The following PARP16 variants were observed in gnomAD, a reference collection of about 807,000 sequenced individuals.
The protein encoded by PARP16 is poly(ADP-ribose) polymerase family member 16.
Under a neutral mutation model 35.0 loss-of-function variants are expected in PARP16, and 31 were observed. The ratio of observed to expected loss-of-function variants is 0.88; its 90% CI spans 0.66 to 1.19. The LOEUF is 1.19. Ranked by LOEUF, PARP16 falls within the 50% of genes most tolerant of loss-of-function variation. PARP16 has a pLI of 0.00. For synonymous variants in PARP16, 162 were observed against 169.5 expected (o/e 0.96, Z 0.34); for missense variants, 424 against 411.2 (o/e 1.03, Z -0.27).
chr15:65,286,161 T>C, intron 1 of PARP16, 92 bp downstream of exon 1: 4 of 1,066,350 alleles, frequency 3.8e-6, no homozygotes, highest in Admixed American at 7.4e-5. Context: ...GCTGTCATGT[T>C]TACTAATGCG....
chr15:65,270,851 G>C (rs972064477), intron 2 of PARP16, 84 bp downstream of exon 2: 31 of 1,336,664 alleles, frequency 2.3e-5, no homozygotes, highest in East Asian at 9.2e-5. Context: ...TGGTACACAG[G>C]GAAGTCTCAG....
At chr15:65,235,988 G>A (rs756720368) in intron 3 of PARP16, among the ~76,000 whole-genome samples, 1 of 150,722 alleles carries the variant, frequency 6.6e-6, no homozygotes, top group Non-Finnish European at 1.5e-5. Flanking sequence ...CTCCCAAGTA[G>A]CTGGGATTAC....
chr15:65,240,497 A>G (rs1567008709), intron 3 of PARP16, among the ~76,000 whole-genome samples: 1 of 152,158 alleles, frequency 6.6e-6, no homozygotes, highest in Non-Finnish European at 1.5e-5. Context: ...TGCTGAAAGT[A>G]CAGGCGCAAG....
At chr15:65,250,248 G>T (rs1169568530) in intron 2 of PARP16, among the ~76,000 whole-genome samples, 1 of 151,210 alleles carries the variant, frequency 6.6e-6, no homozygotes, top group Non-Finnish European at 1.5e-5. Context: ...CTGCCCAGTA[G>T]CTGGGATTAC....
Position 65,286,587 on chromosome 15 carries a change from A to G in PARP16, c.-161T>C. On this transcript the variant is annotated 5_prime_UTR_variant, in exon 1 of 6. Transcript: ENST00000649807. ...GGGGGCTGAGATGACAGGGGTGAGA[A>G]CGTGCCGACAAGTGTCCTCTGCCGG... 2.0e-6 allele frequency: 1 copy of G among 510,510 alleles called. No homozygotes were observed. The highest frequency in any genetic ancestry group is 2.9e-5 in the South Asian group (1 of 34,558). 31.6% of individuals were successfully genotyped at this position (510,510 alleles called of 1,614,324 possible).
chr15:65,262,025 G>C (rs2089738720), intron 4 of PARP16, among the ~76,000 whole-genome samples: 1 of 152,136 alleles, frequency 6.6e-6, no homozygotes, highest in Non-Finnish European at 1.5e-5. Flanking sequence ...TGGGAGGGTG[G>C]TGTCAGACCT....
rs536643229 is a variant in PARP16, at chr15:65,270,186, C to T, written c.312+749G>A. ...TATGGGTAAAGGAAGAGCACCAGAG[C>T]AGGAATCAAGTCCTACACCCTGGTC... On this transcript the variant is annotated intron_variant, in intron 2 of 5. Transcript: ENST00000649807. Among the ~76,000 whole-genome samples, 373 of 152,242 alleles carry T rather than the reference C, an allele frequency of 2.5e-3. 4 individuals carry two copies. The highest frequency in any genetic ancestry group is 8.5e-3 in the African/African-American group (353 of 41,518).
At chr15:65,273,507 TAAATG>T (rs1819825396) in intron 1 of PARP16, among the ~76,000 whole-genome samples, 1 of 151,726 alleles carries the variant, frequency 6.6e-6, no homozygotes, top group African/African-American at 2.4e-5. Context: ...TAAAAATAAA[TAAATG>T]AAATTAAAAA....
Position 65,258,110 on chromosome 15 carries a change from ATATCT to A in PARP16, c.*1292_*1296del, listed in dbSNP as rs1290500363. On this transcript the variant is annotated 3_prime_UTR_variant, in exon 6 of 6. Transcript: ENST00000649807. ...AAAGGCAACTTAAATCATTAAGAAA[ATATCT>A]TTATTTATTCTGAAATGTTCCAATA... 2 of 152,250 alleles carry A rather than the reference ATATCT, an allele frequency of 1.3e-5. No individual in the cohort carries two copies. The highest frequency in any genetic ancestry group is 4.8e-5 in the African/African-American group (2 of 41,462). 9.4% of individuals were successfully genotyped at this position (152,250 alleles called of 1,614,324 possible).
chr15:65,268,095 T>G (rs2140897008), intron 2 of PARP16, among the ~76,000 whole-genome samples: 1 of 152,324 alleles, frequency 6.6e-6, no homozygotes, highest in Middle Eastern at 3.4e-3. Flanking sequence ...CCCTCTGCAA[T>G]GTGGTTTTGC....
intron 5 of PARP16, among the ~76,000 whole-genome samples, 156 bp from the exon 6 acceptor site, chr15:65,259,698 C>G (rs1035629031): frequency 3.3e-5 from 5 of 152,232 alleles, no homozygotes; most frequent in African/African-American, 4.8e-5. Context: ...CTCAAGAAAC[C>G]TGGGGCTGTT....
At chr15:65,231,455 CTT>C (rs1213680405), downstream of PARP16, among the ~76,000 whole-genome samples, 4 of 142,048 alleles carry the variant, frequency 2.8e-5, no homozygotes, top group East Asian at 2.0e-4. Context: ...CAAATTATAC[CTT>C]TTTTTTTTTT....
rs1239965867 is a variant in PARP16 at position 65,263,096 on chromosome 15, C to T, written c.691+53G>A. Reference sequence around the variant, plus strand: ...ACCCAACAGCTGGGCCAGCAAGAGCCTGTACACCCAACAGAGGCCTGTAGC... The same window carrying T: ...ACCCAACAGCTGGGCCAGCAAGAGCTTGTACACCCAACAGAGGCCTGTAGC... On this transcript the variant is annotated intron_variant, in intron 4 of 5. Transcript: ENST00000649807. 26 of 1,539,336 alleles carry T rather than the reference C, an allele frequency of 1.7e-5. 1 individual carries two copies. Among genetic ancestry groups the T allele is most frequent in the Non-Finnish European group, 2.3e-5 (26 of 1,120,612 alleles).
At chr15:65,254,578 G>T (rs1423094222), downstream of PARP16, among the ~76,000 whole-genome samples, 1 of 152,124 alleles carries the variant, frequency 6.6e-6, no homozygotes. Flanking sequence ...AGAGACAAGT[G>T]GGGGCTGTGG....
At chr15:65,233,566 T>C (rs960172541), downstream of PARP16, among the ~76,000 whole-genome samples, 1 of 151,776 alleles carries the variant, frequency 6.6e-6, no homozygotes, top group Non-Finnish European at 1.5e-5. Flanking sequence ...AAAAAACCCA[T>C]CTCTACTAAA....
chr15:65,250,689 C>A (rs1008579495), intron 2 of PARP16, among the ~76,000 whole-genome samples: 1 of 152,138 alleles, frequency 6.6e-6, no homozygotes, highest in African/African-American at 2.4e-5. Flanking sequence ...CCAGGCTCCT[C>A]CAGTGTAGTT....
In PARP16 at chr15:65,258,299, G is replaced by A. The variant is rs1343966804; in HGVS notation, c.*1108C>T. ...AAGGGAGCAGAGAATACAGCAAGCA[G>A]GGCTCCGGCTCTCTGGGTGGCCAGA... On this transcript the variant is annotated 3_prime_UTR_variant, in exon 6 of 6. Coordinates refer to ENST00000649807, the MANE Select transcript of PARP16 (RefSeq NM_001316943.2). The A allele has an allele frequency of 6.6e-6, 1 of 152,224 alleles. No homozygotes were observed. Among genetic ancestry groups the A allele is most frequent in the African/African-American group, 2.4e-5 (1 of 41,460 alleles). The allele number at this position is 152,224 out of a possible 1,614,324, so 9.4% of individuals were successfully genotyped here.
At chr15:65,232,166 T>G (rs1309595150), downstream of PARP16, among the ~76,000 whole-genome samples, 1 of 152,112 alleles carries the variant, frequency 6.6e-6, no homozygotes, top group Non-Finnish European at 1.5e-5. Context: ...TATTTTTCTC[T>G]TAAGAATAGG....
At chr15:65,266,441 A>G in intron 3 of PARP16, 121 bp downstream of exon 3, 1 of 742,286 alleles carries the variant, frequency 1.3e-6, no homozygotes, top group Non-Finnish European at 2.3e-6. Flanking sequence ...TTGAGTGAGA[A>G]GGCGTTAGTA....
Sources: allele counts gnomAD v4.1 joint callset (sites outside exome capture counted in the v4.1 genomes callset), GRCh38; gene constraint gnomAD v4.1.1; transcripts MANE v1.5; gene names NCBI Gene and HGNC (gene_info 2026-07-23, HGNC 2026-07-21).